MLIP: variants seen among roughly 807,000 people sequenced by gnomAD.
MLIP encodes the protein muscular LMNA interacting protein, also known as muscular LMNA-interacting protein.
A neutral mutation model predicts 84.8 loss-of-function variants in MLIP; 79 were observed. The ratio of observed to expected loss-of-function variants is 0.93; its 90% confidence interval spans 0.78 to 1.12. MLIP has a LOEUF of 1.12. Ranked by LOEUF, MLIP falls within the 50% of genes most tolerant of loss-of-function variation. MLIP has a pLI of 0.00. For missense variants in MLIP, 1,257 were observed against 1,160.6 expected (o/e 1.08, Z -1.21); for synonymous variants, 504 against 463.0 (o/e 1.09, Z -1.14).
upstream of MLIP, among the ~76,000 whole-genome samples, chr6:54,107,310 A>C (rs1419093500): frequency 1.3e-5 from 2 of 152,238 alleles, no homozygotes; most frequent in African/African-American, 2.4e-5. Flanking sequence ...GTATACTACT[A>C]TAAGCAGTAA....
chr6:54,033,297 C>T (rs577603934), intron 1 of MLIP, among the ~76,000 whole-genome samples: 167 of 148,150 alleles, frequency 1.1e-3, no homozygotes, highest in African/African-American at 3.6e-3. Context: ...GATGGAGTCT[C>T]GCTCTGTTGC....
intron 1 of MLIP, chr6:54,031,368 C>T (rs1038065991): frequency 6.6e-6 from 1 of 152,186 alleles, no homozygotes; most frequent in African/African-American, 2.4e-5. Flanking sequence ...GTGCTTACAT[C>T]CTTCTGCCTG....
At chr6:54,195,744 C>T (rs1033439977) in intron 10 of MLIP, among the ~76,000 whole-genome samples, 1 of 152,018 alleles carries the variant, frequency 6.6e-6, no homozygotes, top group Admixed American at 6.6e-5. Flanking sequence ...TATATTCACT[C>T]CCTTGGATTT....
chr6:54,211,729 A>G (rs2150743515), intron 11 of MLIP, among the ~76,000 whole-genome samples: 1 of 152,352 alleles, frequency 6.6e-6, no homozygotes, highest in South Asian at 2.1e-4. Flanking sequence ...GCCAGGGATA[A>G]TGCCAAAAAT....
At chr6:54,056,077 A>T (rs2150324168) in intron 1 of MLIP, among the ~76,000 whole-genome samples, 1 of 152,298 alleles carries the variant, frequency 6.6e-6, no homozygotes, top group Admixed American at 6.5e-5. Context: ...TCTTAATTTT[A>T]AAAATATTTG....
intron 4 of MLIP, among the ~76,000 whole-genome samples, chr6:54,147,489 C>T (rs905397595): frequency 6.6e-6 from 1 of 152,058 alleles, no homozygotes; most frequent in Non-Finnish European, 1.5e-5. Context: ...CATCTTCTAG[C>T]AATTGCCGCT....
In MLIP at chr6:54,136,942, G is replaced by C. The variant is rs566294790; in HGVS notation, c.873G>C (p.Lys291Asn). 6.5e-6 allele frequency: 10 copies of C among 1,535,840 alleles called. No individual in the cohort carries two copies. The highest frequency in any genetic ancestry group is 8.7e-6 in the Non-Finnish European group (10 of 1,146,856). The part of the protein sequence containing the change: ...TAHSTPFSAS[K>N]GTSSTLLFPH... Reference sequence around the variant, plus strand: ...ACTCTACACCCTTTTCTGCATCGAAGGGCACCTCCTCGACGTTACTGTTTC... The same window carrying C: ...ACTCTACACCCTTTTCTGCATCGAACGGCACCTCCTCGACGTTACTGTTTC... The change falls in exon 4 of 14, where the codon AAG (lysine) becomes AAC (asparagine). Residue 291 changes from lysine (K) to asparagine (N), a missense_variant. Lys to Asn is a moderately conservative substitution (Grantham distance 94). Coordinates refer to ENST00000502396, the MANE Select transcript of MLIP (RefSeq NM_001281747.2).
intron 9 of MLIP, among the ~76,000 whole-genome samples, chr6:54,184,910 C>T (rs1777241915): frequency 6.6e-6 from 1 of 152,098 alleles, no homozygotes; most frequent in Admixed American, 6.5e-5. Flanking sequence ...TCAAATGTTA[C>T]TCTTCCCAGT....
In MLIP at chr6:54,124,586, C is replaced by T. The variant is rs201706379; in HGVS notation, c.366C>T (p.Phe122=). The T allele has an allele frequency of 1.4e-4, 223 of 1,614,032 alleles. No homozygotes were observed. The highest frequency in any genetic ancestry group is 1.8e-4 in the Non-Finnish European group (209 of 1,180,040). Residue 122 remains phenylalanine (F), a synonymous_variant, in exon 3 of 14, where the codon TTC becomes TTT. Transcript: ENST00000502396. ...VSGTILQERE[F]EANKLQGMQQ... ...GAACGATTTTACAAGAAAGGGAATTCGAAGCAAACAAACTTCAAGGGATGC... is the reference window on the plus strand; with the variant it reads ...GAACGATTTTACAAGAAAGGGAATTTGAAGCAAACAAACTTCAAGGGATGC...
intron 9 of MLIP, among the ~76,000 whole-genome samples, chr6:54,178,519 T>C (rs1776529426): frequency 6.6e-6 from 1 of 152,116 alleles, no homozygotes; most frequent in East Asian, 1.9e-4. Flanking sequence ...CAAAGTTTGT[T>C]TTTTATGTAG....
Position 54,262,609 on chromosome 6 carries a change from C to T in MLIP, c.2977-3341C>T, listed in dbSNP as rs78004596. On this transcript the variant is annotated intron_variant, in intron 13 of 13. Transcript: ENST00000502396. ...GTTAGAGTCTTATCCTCCCTGGAAA[C>T]TGGCAGATGGGGATGATGTCTTTCT... Among the ~76,000 whole-genome samples, 5 of 152,116 alleles carry T rather than the reference C, an allele frequency of 3.3e-5. No homozygotes were observed. In the East Asian group the frequency reaches 9.7e-4, roughly 30 times the overall value.
chr6:54,241,454 G>C (rs1781731542), intron 12 of MLIP, among the ~76,000 whole-genome samples: 1 of 151,868 alleles, frequency 6.6e-6, no homozygotes, highest in African/African-American at 2.4e-5. Flanking sequence ...TTGGGCCTGA[G>C]TGTTTACACA....
chr6:54,238,836 A>G (rs761116661), intron 12 of MLIP, among the ~76,000 whole-genome samples: 4 of 152,192 alleles, frequency 2.6e-5, no homozygotes, highest in Non-Finnish European at 4.4e-5. Context: ...AAATTATTTC[A>G]TGCCAAGTTT....
intron 9 of MLIP, among the ~76,000 whole-genome samples, chr6:54,189,590 T>C (rs1015087296): frequency 3.3e-5 from 5 of 152,170 alleles, no homozygotes; most frequent in Non-Finnish European, 2.9e-5. Context: ...CATGATATAA[T>C]GCTTATGTTA....
intron 9 of MLIP, among the ~76,000 whole-genome samples, chr6:54,179,733 T>C (rs1776660400): frequency 6.6e-6 from 1 of 152,142 alleles, no homozygotes; most frequent in African/African-American, 2.4e-5. Flanking sequence ...TTTAACTTTT[T>C]GTTGTTTTTT....
At position 54,137,784 on chromosome 6, in the gene MLIP, G is replaced by A; in HGVS notation, c.1715G>A (p.Gly572Asp). The A allele has an allele frequency of 1.3e-6, 2 of 1,536,026 alleles. No homozygotes were observed. The highest frequency in any genetic ancestry group is 1.7e-6 in the Non-Finnish European group (2 of 1,146,884). Reference protein sequence around the residue: ...LKSKQDGDLRGPENPRNIHTY... With the variant: ...LKSKQDGDLRDPENPRNIHTY... The stretch of plus-strand genomic sequence containing the variant: ...AGTAAACAGGATGGTGACCTCAGGG[G>A]TCCAGAAAACCCCAGAAACATTCAC... The change falls in exon 4 of 14, where the codon GGT becomes GAT. Residue 572 changes from glycine (G) to aspartate (D), a missense_variant. Physicochemically the swap from Gly to Asp is moderately conservative, Grantham distance 94. Transcript: ENST00000502396.
At chr6:54,163,194 CTTTATA>C (rs1247939324) in intron 8 of MLIP, among the ~76,000 whole-genome samples, 3 of 151,856 alleles carry the variant, frequency 2.0e-5, no homozygotes, top group East Asian at 3.9e-4. Flanking sequence ...AAAATAGTGA[CTTTATA>C]TTTATAATTT....
At chr6:54,105,894 T>C (rs1768976862) in intron 1 of MLIP, among the ~76,000 whole-genome samples, 2 of 152,082 alleles carry the variant, frequency 1.3e-5, no homozygotes, top group African/African-American at 4.8e-5. Flanking sequence ...CATTGGGCTA[T>C]AGGTTGTTAT....
Position 54,138,727 on chromosome 6 carries a change from A to G in MLIP, c.2217+441A>G, listed in dbSNP as rs914761731. 1.3e-5 allele frequency among the ~76,000 whole-genome samples: 2 copies of G among 152,164 alleles called. 1 individual carries two copies. The highest frequency in any genetic ancestry group is 4.8e-5 in the African/African-American group (2 of 41,444). On this transcript the variant is annotated intron_variant, in intron 4 of 13. Transcript: ENST00000502396. ...AGTAGACAGGATTAATATAAAATGG[A>G]ATATTATCTTAGATCTAGGCCTGTG...
Sources: gnomAD v4.1 joint callset for allele counts (sites outside exome capture counted in the v4.1 genomes callset) on GRCh38, gnomAD v4.1.1 for gene constraint, MANE v1.5 for transcripts, NCBI Gene and HGNC (gene_info 2026-07-23, HGNC 2026-07-21) for gene names.